The following DAB1 variants were observed in gnomAD, a reference collection of about 807,000 sequenced individuals.
The protein encoded by DAB1 is disabled homolog 1.
A neutral mutation model predicts 64.6 loss-of-function variants in DAB1; 15 were observed. The observed-to-expected ratio is 0.23, with a 90% CI of 0.16 to 0.36. The LOEUF (loss-of-function observed/expected upper bound fraction) is 0.36, where lower values mean the gene tolerates loss of function less well. Among genes scored for constraint, DAB1 ranks in the 10% least tolerant of loss-of-function variants. The pLI is 1.00. For missense variants in DAB1, 596 were observed against 706.7 expected (o/e 0.84, Z 1.78); for synonymous variants, 235 against 251.9 (o/e 0.93, Z 0.64).
intron 4 of DAB1, among the ~76,000 whole-genome samples, chr1:58,333,492 C>CA (rs1264490185): frequency 3.3e-5 from 5 of 152,186 alleles, no homozygotes; most frequent in African/African-American, 1.2e-4. Context: ...AGAAAAGATG[C>CA]AAAGAGCGTG....
At chr1:58,076,242 A>C (rs889424325) in intron 5 of DAB1, among the ~76,000 whole-genome samples, 5 of 152,188 alleles carry the variant, frequency 3.3e-5, no homozygotes, top group African/African-American at 1.2e-4. Context: ...CTAATATCAC[A>C]AGCTCCATTT....
At chr1:57,276,335 G>A (rs978449781) in intron 2 of DAB1, among the ~76,000 whole-genome samples, 1 of 152,240 alleles carries the variant, frequency 6.6e-6, no homozygotes, top group African/African-American at 2.4e-5. Context: ...AACTTTGTGA[G>A]CAGGAGGAGA....
chr1:57,320,829 ACAC>A (rs1675653483), intron 1 of DAB1, among the ~76,000 whole-genome samples: 1 of 152,164 alleles, frequency 6.6e-6, no homozygotes, highest in Admixed American at 6.5e-5. Context: ...TCTCCACTTT[ACAC>A]CAAAGAAACC....
intron 2 of DAB1, among the ~76,000 whole-genome samples, chr1:57,222,280 G>GA: frequency 6.6e-6 from 1 of 152,084 alleles, no homozygotes; most frequent in Non-Finnish European, 1.5e-5. Flanking sequence ...TACATGAACA[G>GA]AAAATACATT....
intron 4 of DAB1, among the ~76,000 whole-genome samples, chr1:58,248,673 G>A (rs756021713): frequency 1.3e-5 from 2 of 152,140 alleles, no homozygotes; most frequent in African/African-American, 4.8e-5. Context: ...CTGCAAGAAG[G>A]ATTTGGGCAG....
chr1:58,327,573 G>T (rs1662862492), intron 4 of DAB1, among the ~76,000 whole-genome samples: 1 of 152,188 alleles, frequency 6.6e-6, no homozygotes, highest in Admixed American at 6.5e-5. Context: ...TGTGCTTGTT[G>T]CTTCTCCCCC....
intron 5 of DAB1, among the ~76,000 whole-genome samples, chr1:58,096,266 T>G (rs773324758): frequency 6.6e-6 from 1 of 152,270 alleles, no homozygotes; most frequent in Non-Finnish European, 1.5e-5. Flanking sequence ...CCCTTTTCCA[T>G]GGCCTCTTTT....
chr1:57,402,579 G>A (rs1157621605), intron 1 of DAB1, among the ~76,000 whole-genome samples: 1 of 152,160 alleles, frequency 6.6e-6, no homozygotes, highest in Non-Finnish European at 1.5e-5. Context: ...AGTCTGATAT[G>A]CAAATCCCAT....
chr1:57,756,254 G>T (rs545953695), intron 6 of DAB1, among the ~76,000 whole-genome samples: 1 of 152,170 alleles, frequency 6.6e-6, no homozygotes, highest in South Asian at 2.1e-4. Flanking sequence ...AGTATAGTGG[G>T]GGATGTAGAC....
At chr1:58,493,560 T>G (rs1344070858) in intron 3 of DAB1, among the ~76,000 whole-genome samples, 1 of 151,356 alleles carries the variant, frequency 6.6e-6, no homozygotes, top group Non-Finnish European at 1.5e-5. Context: ...ATAAGCAACT[T>G]CAGCAAAGTC....
intron 1 of DAB1, among the ~76,000 whole-genome samples, chr1:57,319,167 G>A (rs952180499): frequency 2.0e-5 from 3 of 152,098 alleles, no homozygotes; most frequent in Non-Finnish European, 2.9e-5. Context: ...TTACTAAACC[G>A]GTTACTATTG....
intron 5 of DAB1, among the ~76,000 whole-genome samples, chr1:58,129,224 G>T (rs1443880869): frequency 2.6e-5 from 4 of 151,600 alleles, no homozygotes; most frequent in Non-Finnish European, 5.9e-5. Flanking sequence ...ATTTCTTCTA[G>T]ATTTTCTAGT....
At chr1:57,571,165 T>C (rs1645189761) in intron 7 of DAB1, among the ~76,000 whole-genome samples, 1 of 152,220 alleles carries the variant, frequency 6.6e-6, no homozygotes, top group African/African-American at 2.4e-5. Context: ...ACAGTTTGAC[T>C]TCCTCTTTAC....
At chr1:57,582,161 T>C (rs1421578199) in intron 7 of DAB1, among the ~76,000 whole-genome samples, 1 of 152,164 alleles carries the variant, frequency 6.6e-6, no homozygotes, top group Non-Finnish European at 1.5e-5. Context: ...ATTTTCACAC[T>C]GATATAAAGA....
intron 7 of DAB1, among the ~76,000 whole-genome samples, chr1:57,612,135 C>A (rs1241019296): frequency 6.6e-6 from 1 of 151,968 alleles, no homozygotes; most frequent in Non-Finnish European, 1.5e-5. Context: ...TAAAATAGCT[C>A]CTGTCTTGCT....
At chr1:57,611,233 T>A (rs1279359300) in intron 7 of DAB1, among the ~76,000 whole-genome samples, 1 of 150,634 alleles carries the variant, frequency 6.6e-6, no homozygotes, top group Non-Finnish European at 1.5e-5. Flanking sequence ...CTCCAAGAGT[T>A]AACAGGTGAG....
chr1:58,042,852 G>A (rs1647158039), intron 5 of DAB1, among the ~76,000 whole-genome samples: 1 of 152,164 alleles, frequency 6.6e-6, no homozygotes, highest in Non-Finnish European at 1.5e-5. Context: ...GTGAGGCGGA[G>A]GGGAGGCATT....
At chr1:57,606,381 T>TATATATA (rs1317608902) in intron 7 of DAB1, among the ~76,000 whole-genome samples, 2 of 130,388 alleles carry the variant, frequency 1.5e-5, no homozygotes, top group Non-Finnish European at 3.2e-5. Flanking sequence ...TAATCCTATA[T>TATATATA]ATATATATAT....
intron 4 of DAB1, among the ~76,000 whole-genome samples, chr1:57,088,276 G>C (rs967605624): frequency 6.6e-6 from 1 of 152,080 alleles, no homozygotes; most frequent in Non-Finnish European, 1.5e-5. Flanking sequence ...TCACCATGTT[G>C]GTCAGGCTGG....
Sources: gnomAD v4.1 joint callset for allele counts (sites outside exome capture counted in the v4.1 genomes callset) on GRCh38, gnomAD v4.1.1 for gene constraint, MANE v1.5 for transcripts, NCBI Gene and HGNC (gene_info 2026-07-23, HGNC 2026-07-21) for gene names.